Variants in MPC2 observed in about 807,000 individuals in gnomAD.
MPC2 encodes mitochondrial pyruvate carrier 2, also known as brain protein 44.
In MPC2, 19 loss-of-function variants were observed where a neutral mutation model predicts 19.2. The observed-to-expected ratio is 0.99, with a 90% CI of 0.69 to 1.45. The LOEUF (loss-of-function observed/expected upper bound fraction) is 1.45, where lower values mean the gene tolerates loss of function less well. Ranked by LOEUF, MPC2 falls within the 40% of genes most tolerant of loss-of-function variation. MPC2 has a pLI of 0.00. For missense variants in MPC2, 122 were observed against 153.0 expected, an observed-to-expected ratio of 0.80 and a Z score of 1.07; for synonymous variants, 61 against 54.3, an observed-to-expected ratio of 1.12 and a Z score of -0.54.
In MPC2 at chr1:167,932,210, C is replaced by T. The variant is rs557809809; in HGVS notation, c.109+3523G>A. On this transcript the variant is annotated intron_variant, in intron 2 of 5. Transcript: ENST00000271373. ...CTGTGGTCTTCCAGCTCCTCTTGAA[C>T]ATATGCCCTATCAGTAAAAAACAAT... Among the ~76,000 whole-genome samples the T allele has an allele frequency of 1.4e-4, 21 of 152,250 alleles. 1 individual carries two copies. In the South Asian group the frequency reaches 4.3e-3, roughly 32 times the overall value.
chr1:167,936,579 C>G (rs957966945), intron 1 of MPC2: 4 of 305,706 alleles, frequency 1.3e-5, no homozygotes, highest in Non-Finnish European at 2.5e-5. Context: ...AAAGGGTTGG[C>G]GGGGAGGGTA....
intron 2 of MPC2, among the ~76,000 whole-genome samples, chr1:167,925,027 G>C (rs568704797): frequency 2.0e-4 from 30 of 152,206 alleles, no homozygotes; most frequent in Admixed American, 5.2e-4. Flanking sequence ...TTAGTATGCA[G>C]GTTTTGAAAA....
chr1:167,935,431 G>A (rs1448702730), intron 2 of MPC2, among the ~76,000 whole-genome samples: 1 of 152,248 alleles, frequency 6.6e-6, no homozygotes, highest in East Asian at 1.9e-4. Context: ...CAGACAGTTT[G>A]GTGGCCGCAG....
In MPC2 at chr1:167,918,262, A is replaced by C. The variant is rs931778440; in HGVS notation, c.*61T>G. 7.4e-7 allele frequency: 1 copy of C among 1,348,200 alleles called. No homozygotes were observed. The highest frequency in any genetic ancestry group is 2.1e-5 in the Admixed American group (1 of 46,582). The allele number at this position is 1,348,200 out of a possible 1,614,324, so 83.5% of individuals were successfully genotyped here. On this transcript the variant is annotated 3_prime_UTR_variant, in exon 6 of 6. Coordinates refer to ENST00000271373, the MANE Select transcript of MPC2 (RefSeq NM_001143674.4). Reference sequence around the variant, plus strand: ...AGCTTTGCTTTATCAATAACCAAATAATAAACTAGGTCCCAATGGTTTTGT... The same window carrying C: ...AGCTTTGCTTTATCAATAACCAAATCATAAACTAGGTCCCAATGGTTTTGT...
At chr1:167,933,642 A>G (rs1012694384) in intron 2 of MPC2, among the ~76,000 whole-genome samples, 34 of 152,248 alleles carry the variant, frequency 2.2e-4, no homozygotes, top group African/African-American at 8.0e-4. Context: ...ATTCAATAAC[A>G]AATACTGTTA....
intron 2 of MPC2, among the ~76,000 whole-genome samples, chr1:167,933,569 G>A (rs1212992977): frequency 6.6e-6 from 1 of 152,132 alleles, no homozygotes; most frequent in African/African-American, 2.4e-5. Flanking sequence ...TGTTAATATT[G>A]TAGCATTTCA....
At chr1:167,928,220 C>T (rs975689578) in intron 2 of MPC2, among the ~76,000 whole-genome samples, 8 of 150,944 alleles carry the variant, frequency 5.3e-5, no homozygotes, top group Admixed American at 1.3e-4. Flanking sequence ...TGGTGGCAGG[C>T]GGCTGTAGTC....
chr1:167,935,044 AC>A (rs1350243484), intron 2 of MPC2, among the ~76,000 whole-genome samples: 1 of 152,176 alleles, frequency 6.6e-6, no homozygotes, highest in East Asian at 1.9e-4. Flanking sequence ...ATTCTCATAG[AC>A]CGCGTATTAC....
intron 5 of MPC2, among the ~76,000 whole-genome samples, chr1:167,918,651 T>C (rs1455921047): frequency 6.6e-6 from 1 of 150,390 alleles, no homozygotes; most frequent in Non-Finnish European, 1.5e-5. Flanking sequence ...TGGAGTGTAG[T>C]GGTGTGATCT....
intron 2 of MPC2, among the ~76,000 whole-genome samples, chr1:167,930,040 C>T (rs1329737555): frequency 2.0e-5 from 3 of 152,052 alleles, no homozygotes; most frequent in Admixed American, 6.5e-5. Context: ...TGGATACTGA[C>T]GGCCAAAAAA....
Position 167,936,992 on chromosome 1 carries a change from G to T in MPC2, c.-111C>A. 1 of 1,610,200 alleles carries T rather than the reference G, an allele frequency of 6.2e-7. No homozygotes were observed. On this transcript the variant is annotated 5_prime_UTR_variant, in exon 1 of 6. Transcript: ENST00000271373. ...TCGGGCTGGAGGACCCGTCCCGGCT[G>T]CGGAGTCGCTACCTGGGTGAGCGGG...
rs754615905 is a variant in MPC2, at chr1:167,920,608, A to G, written c.174T>C (p.Ala58=). The G allele has an allele frequency of 6.2e-7, 1 of 1,613,980 alleles. No individual in the cohort carries two copies. The highest frequency in any genetic ancestry group is 1.1e-5 in the South Asian group (1 of 91,070). ...MKWGLVCAGL[A]DMARPAEKLS... The stretch of plus-strand genomic sequence containing the variant: ...GTTTTTCTGCAGGTCTGGCCATATC[A>G]GCCAATCCAGCACACACCAACCCCT... The change falls in exon 4 of 6, where the codon GCT becomes GCC. Residue 58 remains alanine (A), a synonymous_variant. Transcript: ENST00000271373.
chr1:167,928,319 GA>G (rs34157542), intron 2 of MPC2, among the ~76,000 whole-genome samples: 3,377 of 91,452 alleles, frequency 0.037, 106 homozygotes, highest in African/African-American at 0.12. Flanking sequence ...CTGCACTCCA[GA>G]AAAAAAAAAA....
intron 2 of MPC2, among the ~76,000 whole-genome samples, chr1:167,934,109 G>C (rs1386439752): frequency 6.6e-6 from 1 of 152,150 alleles, no homozygotes; most frequent in Admixed American, 6.5e-5. Context: ...CGAATCCAAG[G>C]ATTTTCAGGT....
chr1:167,933,618 A>C (rs1670975723), intron 2 of MPC2, among the ~76,000 whole-genome samples: 1 of 152,254 alleles, frequency 6.6e-6, no homozygotes, highest in Admixed American at 6.5e-5. Context: ...ATCTAGAAAA[A>C]TGTTTCAATG....
At chr1:167,921,056 T>G (rs1186523055) in intron 3 of MPC2, among the ~76,000 whole-genome samples, 1 of 152,218 alleles carries the variant, frequency 6.6e-6, no homozygotes, top group Non-Finnish European at 1.5e-5. Flanking sequence ...CTTCCTTTGA[T>G]GTTTTCTGCC....
chr1:167,919,698 G>A (rs1670552045), intron 5 of MPC2, among the ~76,000 whole-genome samples: 1 of 152,096 alleles, frequency 6.6e-6, no homozygotes, highest in African/African-American at 2.4e-5. Context: ...TCTAAATGAT[G>A]CACAGTTAAA....
chr1:167,925,159 C>G (rs892843713), intron 2 of MPC2, among the ~76,000 whole-genome samples: 8 of 151,956 alleles, frequency 5.3e-5, no homozygotes, highest in African/African-American at 1.9e-4. Context: ...TCACAGTATT[C>G]TTACAGCAAA....
intron 3 of MPC2, among the ~76,000 whole-genome samples, chr1:167,923,006 C>T (rs928094115): frequency 3.9e-5 from 6 of 152,030 alleles, no homozygotes; most frequent in Admixed American, 2.6e-4. Flanking sequence ...TATCTAACAC[C>T]CATTAGGTGC....
Sources: gnomAD v4.1 joint callset for allele counts (sites outside exome capture counted in the v4.1 genomes callset) on GRCh38, gnomAD v4.1.1 for gene constraint, MANE v1.5 for transcripts, NCBI Gene and HGNC (gene_info 2026-07-23, HGNC 2026-07-21) for gene names.